Variants in NBPF26 observed in about 807,000 individuals in gnomAD.
NBPF26 encodes NBPF member 26.
Under a neutral mutation model 119.6 loss-of-function variants are expected in NBPF26, and 79 were observed. The observed-to-expected ratio is 0.66, with a 90% confidence interval of 0.55 to 0.80. The LOEUF is 0.80. Ranked by LOEUF, NBPF26 falls within the 30% of genes least tolerant of loss-of-function variation. The pLI, the probability that NBPF26 is intolerant of heterozygous loss-of-function variation, is 0.00. For missense variants in NBPF26, 800 were observed against 1,198.2 expected, an observed-to-expected ratio of 0.67 and a Z score of 4.91; for synonymous variants, 299 against 457.7, an observed-to-expected ratio of 0.65 and a Z score of 4.43.
rs1281681891 is a variant in NBPF26 at position 120,729,031 on chromosome 1, C to G, written c.73+4781C>G. On this transcript the variant is annotated intron_variant, in intron 1 of 29. Transcript: ENST00000620612. ...CCCAAATTCAGAGTCAACTGAGTGGCAGGTCTTAGTCACAGCATCTATGAC... is the reference window on the plus strand; with the variant it reads ...CCCAAATTCAGAGTCAACTGAGTGGGAGGTCTTAGTCACAGCATCTATGAC... Among the ~76,000 whole-genome samples the G allele has an allele frequency of 3.4e-5, 4 of 116,304 alleles. No homozygotes were observed. The East Asian group carries it at 8.5e-4, about 25-fold the overall frequency. 76.3% of individuals were successfully genotyped at this position (116,304 alleles called of 152,430 possible).
intron 1 of NBPF26, among the ~76,000 whole-genome samples, chr1:120,729,688 C>A (rs1290197276): frequency 1.7e-5 from 2 of 117,440 alleles, no homozygotes; most frequent in Non-Finnish European, 3.3e-5. Flanking sequence ...GGGAGAATAA[C>A]ATTTATCAAG....
intron 3 of NBPF26, among the ~76,000 whole-genome samples, chr1:120,787,358 GA>G (rs1490733284): frequency 1.7e-5 from 1 of 57,420 alleles, no homozygotes; most frequent in Non-Finnish European, 2.9e-5. Context: ...TCCAGCACGG[GA>G]AAAAGATGTA....
In NBPF26 at chr1:120,811,057, G is replaced by A. The variant is rs1462062870; in HGVS notation, c.1564+499G>A. On this transcript the variant is annotated intron_variant, in intron 9 of 29. Coordinates refer to ENST00000620612, the Ensembl canonical transcript of NBPF26. ...AGATTGAGACCATCCTGGCTAACAC[G>A]GTGAAACCCCGTCTTTACTAAAAAT... Among the ~76,000 whole-genome samples the A allele has an allele frequency of 7.1e-5, 7 of 99,246 alleles. 1 individual carries two copies. Among genetic ancestry groups the A allele is most frequent in the East Asian group, 4.5e-4 (2 of 4,432 alleles). 65.1% of individuals were successfully genotyped at this position (99,246 alleles called of 152,430 possible). A position where few individuals can be genotyped will look rare whatever the true frequency, so the allele number is the denominator to read the frequency against.
chr1:120,784,797 G>A lies in NBPF26; in HGVS notation c.156-177G>A, dbSNP rs1429536758. On this transcript the variant is annotated intron_variant, in intron 2 of 29. Coordinates refer to ENST00000620612, the Ensembl canonical transcript of NBPF26. ...AGGACTCAAAAGGACATGGGAGTAC[G>A]TGGTTAAGTTCTCTAAGGACTCTTT... Among the ~76,000 whole-genome samples the A allele has an allele frequency of 1.3e-4, 15 of 119,040 alleles. 5 individuals carry two copies. The highest frequency in any genetic ancestry group is 2.1e-4 in the East Asian group (1 of 4,784). The allele number at this position is 119,040 out of a possible 152,430, so 78.1% of individuals were successfully genotyped here. A position where few individuals can be genotyped will look rare whatever the true frequency, so the allele number is the denominator to read the frequency against.
In NBPF26 at chr1:120,735,409, G is replaced by T. The variant is rs1390304006; in HGVS notation, c.73+11159G>T. Among the ~76,000 whole-genome samples, 6 of 94,734 alleles carry T rather than the reference G, an allele frequency of 6.3e-5. 1 individual carries two copies. The South Asian group carries it at 9.0e-4, about 14-fold the overall frequency. 62.1% of individuals were successfully genotyped at this position (94,734 alleles called of 152,430 possible). ...AACATCAGATTTTTTTTTCTTTTTT[G>T]ATTTTTATTATTATGTGTCTGTCAT... On this transcript the variant is annotated intron_variant, in intron 1 of 29. Coordinates refer to ENST00000620612, the Ensembl canonical transcript of NBPF26.
chr1:120,787,933 G>T (rs1488273179), intron 3 of NBPF26, among the ~76,000 whole-genome samples: 2 of 110,496 alleles, frequency 1.8e-5, no homozygotes, highest in East Asian at 4.4e-4. Flanking sequence ...TCTGCAGCTG[G>T]TCACATGGTA....
chr1:120,789,989 G>T lies in NBPF26; in HGVS notation c.416-3172G>T, dbSNP rs1268009676. On this transcript the variant is annotated intron_variant, in intron 3 of 29. Transcript: ENST00000620612. The stretch of plus-strand genomic sequence containing the variant: ...GTTAAGAAGGATCTCTTCTTGGTGT[G>T]TTCTGCAAGATTCTGATCACCTTTT... Among the ~76,000 whole-genome samples, 22 of 71,504 alleles carry T rather than the reference G, an allele frequency of 3.1e-4. 4 individuals are homozygous for T. Among genetic ancestry groups the T allele is most frequent in the Non-Finnish European group, 4.4e-4 (18 of 41,360 alleles). The allele number at this position is 71,504 out of a possible 152,430, so 46.9% of individuals were successfully genotyped here.
In NBPF26 at chr1:120,832,533, T is replaced by C. The variant is rs1652362662; in HGVS notation, c.3263-342T>C. On this transcript the variant is annotated intron_variant, in intron 22 of 29. Coordinates refer to ENST00000620612, the Ensembl canonical transcript of NBPF26. ...AACCATGAACAATCTGACTATTTGATGAGACAGGGCTAAATATTGCAGTTT... is the reference window on the plus strand; with the variant it reads ...AACCATGAACAATCTGACTATTTGACGAGACAGGGCTAAATATTGCAGTTT... 5.1e-5 allele frequency among the ~76,000 whole-genome samples: 5 copies of C among 97,320 alleles called. No homozygotes were observed. In the South Asian group the frequency reaches 1.6e-3, roughly 30 times the overall value. The allele number at this position is 97,320 out of a possible 152,430, so 63.8% of individuals were successfully genotyped here.
intron 14 of NBPF26, among the ~76,000 whole-genome samples, chr1:120,817,414 G>GTTT (rs1652033534): frequency 1.5e-4 from 1 of 6,536 alleles, no homozygotes; most frequent in East Asian, 2.7e-3. Flanking sequence ...TAGCATCGTG[G>GTTT]ATTTTTTTTT....
intron 2 of NBPF26, among the ~76,000 whole-genome samples, chr1:120,779,664 G>T: frequency 8.2e-6 from 1 of 122,388 alleles, no homozygotes; most frequent in African/African-American, 3.9e-5. Context: ...AATGTGTGCT[G>T]GGTAGCTTAA....
chr1:120,805,797 G>T lies in NBPF26; in HGVS notation c.961+32G>T, dbSNP rs1489361941. On this transcript the variant is annotated intron_variant, in intron 5 of 29. Coordinates refer to ENST00000620612, the Ensembl canonical transcript of NBPF26. ...TCTATAGGCTCACCATCATGAAAGTGATGAATGATATCCTGTCTTCTCTCT... is the reference window on the plus strand; with the variant it reads ...TCTATAGGCTCACCATCATGAAAGTTATGAATGATATCCTGTCTTCTCTCT... The T allele has an allele frequency of 9.2e-6, 12 of 1,308,664 alleles. 4 individuals are homozygous for T. The highest frequency in any genetic ancestry group is 1.3e-5 in the Non-Finnish European group (12 of 954,332). 81.1% of individuals were successfully genotyped at this position (1,308,664 alleles called of 1,614,324 possible).
chr1:120,790,558 TTC>T (rs1651477942), intron 3 of NBPF26, among the ~76,000 whole-genome samples: 1 of 101,322 alleles, frequency 9.9e-6, no homozygotes, highest in Non-Finnish European at 1.8e-5. Context: ...CTTTCTTTCT[TTC>T]TTTCTTTCTT....
rs1165112934 is a variant in NBPF26, at chr1:120,808,362, A to T, written c.1065-183A>T. Among the ~76,000 whole-genome samples, 12 of 119,650 alleles carry T rather than the reference A, an allele frequency of 1.0e-4. 2 individuals carry two copies. The highest frequency in any genetic ancestry group is 5.0e-4 in the South Asian group (2 of 4,032). 78.5% of individuals were successfully genotyped at this position (119,650 alleles called of 152,430 possible). A position where few individuals can be genotyped will look rare whatever the true frequency, so the allele number is the denominator to read the frequency against. On this transcript the variant is annotated intron_variant, in intron 6 of 29. Transcript: ENST00000620612. ...GGATCTTGCAGGAGCCCTCTCTGAT[A>T]CAGAGGAAGCCTGTAAACCATTTTC...
At chr1:120,804,893 T>G (rs1480047264) in intron 4 of NBPF26, among the ~76,000 whole-genome samples, 2 of 120,190 alleles carry the variant, frequency 1.7e-5, no homozygotes, top group East Asian at 4.1e-4. Flanking sequence ...CAGAAAAAAC[T>G]GCAGAAGACC....
intron 29 of NBPF26, 24 bp from the exon 36 acceptor site, chr1:120,840,326 C>A: frequency 6.9e-7 from 1 of 1,444,354 alleles, no homozygotes; most frequent in South Asian, 1.2e-5. Flanking sequence ...CTGGCTGCTT[C>A]TTTAGTTTTG....
In NBPF26 at chr1:120,793,567, A is replaced by G. The variant is rs1651519697; in HGVS notation, c.751+71A>G. The G allele has an allele frequency of 1.3e-5, 15 of 1,117,022 alleles. 3 individuals are homozygous for G. The highest frequency in any genetic ancestry group is 1.9e-5 in the Non-Finnish European group (15 of 797,014). The allele number at this position is 1,117,022 out of a possible 1,614,324, so 69.2% of individuals were successfully genotyped here. On this transcript the variant is annotated intron_variant, in intron 4 of 29. Coordinates refer to ENST00000620612, the Ensembl canonical transcript of NBPF26. ...CACAGGAGGTAGTGGGTGTGGCTCA[A>G]TTGCATTTTTTAGGAAGCGCAAGGA...
chr1:120,801,775 T>A (rs2101481767), intron 4 of NBPF26, among the ~76,000 whole-genome samples: 1 of 79,754 alleles, frequency 1.3e-5, no homozygotes, highest in South Asian at 3.8e-4. Flanking sequence ...GTTGCAGTGA[T>A]CTATAATCAC....
rs1189272610 is a variant in NBPF26, at chr1:120,790,535, CCTTTCTTTCTTTCTTTCTTT to C, written c.416-2587_416-2568del. 1.7e-4 allele frequency among the ~76,000 whole-genome samples: 13 copies of C among 76,714 alleles called. 1 individual carries two copies. The highest frequency in any genetic ancestry group is 1.6e-3 in the South Asian group (4 of 2,560). 50.3% of individuals were successfully genotyped at this position (76,714 alleles called of 152,430 possible). A position where few individuals can be genotyped will look rare whatever the true frequency, so the allele number is the denominator to read the frequency against. ...TTGATTCTTTCTTTCTTTCTCCCTC[CCTTTCTTTCTTTCTTTCTTT>C]CTTTCTTTCTTTCTTTCTTTCTTTC... On this transcript the variant is annotated intron_variant, in intron 3 of 29. Transcript: ENST00000620612.
chr1:120,724,667 C>CG lies in NBPF26; in HGVS notation c.73+422dup, dbSNP rs1339250421. On this transcript the variant is annotated intron_variant, in intron 1 of 29. Coordinates refer to ENST00000620612, the Ensembl canonical transcript of NBPF26. ...GAATGCCAGATTCTGGCGTGGAGAG[C>CG]GGGGGCAGGGCCGCCAAGCCAAACG... Among the ~76,000 whole-genome samples, 13 of 123,974 alleles carry CG rather than the reference C, an allele frequency of 1.0e-4. 4 individuals are homozygous for CG. Among genetic ancestry groups the CG allele is most frequent in the African/African-American group, 4.8e-4 (12 of 25,100 alleles). 81.3% of individuals were successfully genotyped at this position (123,974 alleles called of 152,430 possible). A position where few individuals can be genotyped will look rare whatever the true frequency, so the allele number is the denominator to read the frequency against.
Sources: gnomAD v4.1 joint callset for allele counts (sites outside exome capture counted in the v4.1 genomes callset) on GRCh38, gnomAD v4.1.1 for gene constraint, MANE v1.5 for transcripts, NCBI Gene and HGNC (gene_info 2026-07-23, HGNC 2026-07-21) for gene names.